The following SPAG9 variants were observed in gnomAD, a reference collection of about 807,000 sequenced individuals.
SPAG9 encodes the protein C-Jun-amino-terminal kinase-interacting protein 4.
A neutral mutation model predicts 166.5 loss-of-function variants in SPAG9; 35 were observed. That is an observed-to-expected ratio of 0.21 (90% confidence interval 0.16 to 0.28). The LOEUF (loss-of-function observed/expected upper bound fraction) is 0.28, where lower values mean the gene tolerates loss of function less well. SPAG9 is among the 10% of genes least tolerant of loss of function. The pLI, the probability that SPAG9 is intolerant of heterozygous loss-of-function variation, is 1.00. For synonymous variants in SPAG9, 534 were observed against 565.5 expected (o/e 0.94, Z 0.79); for missense variants, 1,235 against 1,603.3 (o/e 0.77, Z 3.92).
At chr17:51,116,603 T>TA (rs200584727) in intron 1 of SPAG9, among the ~76,000 whole-genome samples, 39 of 152,090 alleles carry the variant, frequency 2.6e-4, no homozygotes, top group East Asian at 1.2e-3. Flanking sequence ...CTTGTCTCTG[T>TA]AAAAAATTTA....
intron 6 of SPAG9, among the ~76,000 whole-genome samples, chr17:51,028,259 A>G (rs2046265031): frequency 6.6e-6 from 1 of 152,156 alleles, no homozygotes; most frequent in Admixed American, 6.5e-5. Flanking sequence ...TTATTATTGA[A>G]GAAAAAAATT....
chr17:51,120,010 C>A lies in SPAG9; in HGVS notation c.303+344G>T, dbSNP rs2049426828. On this transcript the variant is annotated intron_variant, in intron 1 of 29. Coordinates refer to ENST00000262013, the MANE Select transcript of SPAG9 (RefSeq NM_001130528.3). This position sits in a 1 kb window ranked among gnomAD's most constrained non-coding sequence, Gnocchi z 4.7. ...ACTTTGAACCGCCATCTGACTATCC[C>A]ACGGTGGTCGGAAACTTCCCTCAAC... Among the ~76,000 whole-genome samples, 1 of 152,220 alleles carries A rather than the reference C, an allele frequency of 6.6e-6. No individual in the cohort carries two copies. The highest frequency in any genetic ancestry group is 2.1e-4 in the South Asian group (1 of 4,834).
At chr17:51,045,989 TG>T (rs1318630427) in intron 4 of SPAG9, among the ~76,000 whole-genome samples, 1 of 152,240 alleles carries the variant, frequency 6.6e-6, no homozygotes, top group Non-Finnish European at 1.5e-5. Flanking sequence ...AAACATATTT[TG>T]TTTTAGGAGG....
chr17:51,048,149 T>C (rs942315716), intron 3 of SPAG9, among the ~76,000 whole-genome samples: 1 of 152,052 alleles, frequency 6.6e-6, no homozygotes, highest in South Asian at 2.1e-4. Flanking sequence ...AGATAAGGAA[T>C]CATATGACAG....
intron 1 of SPAG9, among the ~76,000 whole-genome samples, chr17:51,102,507 A>AT (rs533193631): frequency 4.1e-4 from 61 of 147,446 alleles, no homozygotes; most frequent in African/African-American, 4.7e-4. Flanking sequence ...TTGTATGGAA[A>AT]TTTTTTTTTT....
At chr17:50,996,291 C>A in intron 16 of SPAG9, 1 of 331,364 alleles carries the variant, frequency 3.0e-6, no homozygotes. Flanking sequence ...ACCAGAATTG[C>A]TCTGGTTACA....
At chr17:50,975,821 T>C in intron 27 of SPAG9, 1 of 1,489,040 alleles carries the variant, frequency 6.7e-7, no homozygotes, top group Non-Finnish European at 9.1e-7. Context: ...CAGTGGCTAT[T>C]AGAAGCCAGG....
chr17:51,092,590 T>C lies in SPAG9; in HGVS notation c.304-12886A>G, dbSNP rs149101600. On this transcript the variant is annotated intron_variant, in intron 1 of 29. Coordinates refer to ENST00000262013, the MANE Select transcript of SPAG9 (RefSeq NM_001130528.3). ...CCTATCTCCTAAAGATACAATGATATAGTCTTTGGTCTGCCTTAATATTAT... is the reference window on the plus strand; with the variant it reads ...CCTATCTCCTAAAGATACAATGATACAGTCTTTGGTCTGCCTTAATATTAT... 1.3e-3 allele frequency among the ~76,000 whole-genome samples: 204 copies of C among 152,062 alleles called. 1 individual carries two copies. Among genetic ancestry groups the C allele is most frequent in the African/African-American group, 4.7e-3 (194 of 41,512 alleles).
Position 51,021,374 on chromosome 17 carries a change from A to C in SPAG9, c.784-9T>G. The C allele has an allele frequency of 6.3e-7, 1 of 1,586,688 alleles. No individual in the cohort carries two copies. On this transcript the variant is annotated splice_polypyrimidine_tract_variant and intron_variant, in intron 6 of 29. Coordinates refer to ENST00000262013, the MANE Select transcript of SPAG9 (RefSeq NM_001130528.3). ...ACATCAGAAAGCTCATCCTACAAAT[A>C]AAAATAATTTAAAATAAAATTTTAA...
intron 28 of SPAG9, among the ~76,000 whole-genome samples, chr17:50,972,728 TCC>T (rs948805897): frequency 9.9e-5 from 15 of 152,220 alleles, no homozygotes; most frequent in African/African-American, 3.6e-4. Context: ...GTCTGACGTA[TCC>T]CCACAGGGAT....
chr17:50,990,877 C>T (rs1597926104), intron 19 of SPAG9: 1 of 484,866 alleles, frequency 2.1e-6, no homozygotes, highest in East Asian at 3.6e-5. Context: ...AACACAAGTG[C>T]AAATAAACAT....
Position 50,979,771 on chromosome 17 carries a change from A to G in SPAG9, c.3384T>C (p.Ile1128=). 1.2e-6 allele frequency: 2 copies of G among 1,612,718 alleles called. No individual in the cohort carries two copies. Among genetic ancestry groups the G allele is most frequent in the Non-Finnish European group, 1.7e-6 (2 of 1,178,770 alleles). Reference sequence around the variant, plus strand: ...CTAACATTTTGCTTACATAAGGCTCAATGTCCACATCCTGTAGATGTTGAT... The same window carrying G: ...CTAACATTTTGCTTACATAAGGCTCGATGTCCACATCCTGTAGATGTTGAT... ...HTYQHLQDVD[I]EPYVSKMLGT... is the part of the protein sequence containing the mutation. Residue 1128 remains isoleucine (I), a synonymous_variant, in exon 26 of 30, where the codon ATT becomes ATC. Transcript: ENST00000262013.
At position 50,974,817 on chromosome 17, in the gene SPAG9, GCAAAGCTGTGCATGTGCCATTGAA is replaced by G; in HGVS notation, c.3630_3653del (p.Ser1211_Cys1218del). ...TCACAGCATCCCGGTGCCCATGGAA[GCAAAGCTGTGCATGTGCCATTGAA>G]CAATAGGGTATAAATGTCCCTGGAG... On this transcript the variant is annotated inframe_deletion, in exon 28 of 30. Coordinates refer to ENST00000262013, the MANE Select transcript of SPAG9 (RefSeq NM_001130528.3). The G allele has an allele frequency of 6.2e-7, 1 of 1,607,640 alleles. No individual in the cohort carries two copies. The highest frequency in any genetic ancestry group is 8.5e-7 in the Non-Finnish European group (1 of 1,178,698).
chr17:51,114,924 C>G (rs2049240286), intron 1 of SPAG9, among the ~76,000 whole-genome samples: 1 of 151,758 alleles, frequency 6.6e-6, no homozygotes, highest in South Asian at 2.1e-4. Flanking sequence ...TGCACTCCAG[C>G]CTGGGTGACA....
intron 12 of SPAG9, among the ~76,000 whole-genome samples, chr17:51,002,438 C>T (rs1432631200): frequency 6.6e-6 from 1 of 152,054 alleles, no homozygotes; most frequent in Non-Finnish European, 1.5e-5. Context: ...TAGTGTGGGT[C>T]TGTTCTCATG....
At chr17:51,098,010 G>A (rs989140474) in intron 1 of SPAG9, among the ~76,000 whole-genome samples, 6 of 151,940 alleles carry the variant, frequency 3.9e-5, no homozygotes, top group Non-Finnish European at 7.4e-5. Flanking sequence ...TTTCTGTAGA[G>A]ACAGGGTTTC....
chr17:51,063,614 T>G (rs921089844), intron 2 of SPAG9, among the ~76,000 whole-genome samples: 14 of 152,152 alleles, frequency 9.2e-5, no homozygotes, highest in African/African-American at 3.4e-4. Flanking sequence ...CCAGTTGTAG[T>G]GGCTCACACC....
Position 50,962,223 on chromosome 17 carries a change from C to G in SPAG9, c.*4049G>C, listed in dbSNP as rs1973173943. 6.6e-6 allele frequency: 1 copy of G among 152,218 alleles called. No homozygotes were observed. The highest frequency in any genetic ancestry group is 1.5e-5 in the Non-Finnish European group (1 of 68,034). The allele number at this position is 152,218 out of a possible 1,614,324, so 9.4% of individuals were successfully genotyped here. ...TATATCTCATGTACAAAGTTACATT[C>G]TGAACCCCAGGGATTCCATAATAGA... On this transcript the variant is annotated 3_prime_UTR_variant, in exon 30 of 30. Coordinates refer to ENST00000262013, the MANE Select transcript of SPAG9 (RefSeq NM_001130528.3).
Position 51,065,466 on chromosome 17 carries a change from A to G in SPAG9, c.425-8984T>C, listed in dbSNP as rs555153448. 5.3e-5 allele frequency among the ~76,000 whole-genome samples: 8 copies of G among 152,332 alleles called. No individual in the cohort carries two copies. In the East Asian group the frequency reaches 1.5e-3, roughly 29 times the overall value. ...AAGGGATCAAAAAGAAAATCTCAAC[A>G]TTTATGTTATAAGAGAAGGACATTT... On this transcript the variant is annotated intron_variant, in intron 2 of 29. Transcript: ENST00000262013.
Sources: gnomAD v4.1 joint callset for allele counts (sites outside exome capture counted in the v4.1 genomes callset) on GRCh38, gnomAD v4.1.1 for gene constraint, Gnocchi (gnomAD v3.1) non-coding constraint, MANE v1.5 for transcripts, NCBI Gene and HGNC (gene_info 2026-07-23, HGNC 2026-07-21) for gene names.